Variants in KIF2A observed in about 807,000 individuals in gnomAD.
The protein encoded by KIF2A is kinesin-like protein KIF2A.
Under a neutral mutation model 100.2 loss-of-function variants are expected in KIF2A, and 22 were observed. The ratio of observed to expected loss-of-function variants is 0.22; its 90% CI spans 0.16 to 0.31. The LOEUF is 0.31. Ranked by LOEUF, KIF2A falls within the 10% of genes least tolerant of loss-of-function variation. The probability of loss-of-function intolerance (pLI) is 1.00; values close to 1 mark genes in which losing one functional copy is unlikely to be tolerated. For missense variants in KIF2A, 495 were observed against 898.7 expected, an observed-to-expected ratio of 0.55 and a Z score of 5.74; for synonymous variants, 268 against 285.9, an observed-to-expected ratio of 0.94 and a Z score of 0.63.
At chr5:62,360,136 G>A (rs1200612957) in intron 9 of KIF2A, among the ~76,000 whole-genome samples, 7 of 151,720 alleles carry the variant, frequency 4.6e-5, no homozygotes, top group Admixed American at 6.6e-5. Flanking sequence ...GATTACAGGC[G>A]TGTGCCACCA....
intron 4 of KIF2A, among the ~76,000 whole-genome samples, chr5:62,350,421 G>T (rs1335703196): frequency 6.6e-6 from 1 of 151,936 alleles, no homozygotes; most frequent in African/African-American, 2.4e-5. Flanking sequence ...GGGACCACAG[G>T]CATGAGCCAC....
chr5:62,326,992 C>G (rs533749477), intron 1 of KIF2A, among the ~76,000 whole-genome samples: 1 of 152,322 alleles, frequency 6.6e-6, no homozygotes, highest in South Asian at 2.1e-4. Context: ...CTCTTGACTA[C>G]TCTCTTTGAG....
intron 16 of KIF2A, among the ~76,000 whole-genome samples, chr5:62,369,731 TA>T (rs374487851): frequency 2.6e-4 from 39 of 152,286 alleles, no homozygotes; most frequent in African/African-American, 9.1e-4. Flanking sequence ...AAATCTGCCT[TA>T]TTTTTTTTAG....
intron 16 of KIF2A, among the ~76,000 whole-genome samples, chr5:62,370,609 T>C (rs984843359): frequency 2.0e-5 from 3 of 152,030 alleles, no homozygotes; most frequent in African/African-American, 7.3e-5. Context: ...CAATTAGAGA[T>C]ATTTTAGAGG....
At chr5:62,314,494 A>T (rs556126213) in intron 1 of KIF2A, among the ~76,000 whole-genome samples, 4 of 152,238 alleles carry the variant, frequency 2.6e-5, no homozygotes, top group African/African-American at 4.8e-5. Context: ...AAGGAAGCAG[A>T]GCATGGGAAA....
chr5:62,362,258 T>C (rs1297949391), intron 11 of KIF2A, 192 bp from the exon 12 acceptor site: 1 of 229,146 alleles, frequency 4.4e-6, no homozygotes, highest in Non-Finnish European at 8.6e-6. Flanking sequence ...TAGCACCCTT[T>C]TATGGCATAT....
At chr5:62,313,626 TAC>T (rs1745665606) in intron 1 of KIF2A, among the ~76,000 whole-genome samples, 1 of 152,102 alleles carries the variant, frequency 6.6e-6, no homozygotes, top group South Asian at 2.1e-4. Flanking sequence ...ATGCTGGGAT[TAC>T]AGGCTTGAGC....
rs1165039468 is a variant in KIF2A at position 62,389,577 on chromosome 5, G to C, written c.*4008G>C. Among the ~76,000 whole-genome samples, 3 of 150,954 alleles carry C rather than the reference G, an allele frequency of 2.0e-5. No individual in the cohort carries two copies. Among genetic ancestry groups the C allele is most frequent in the Non-Finnish European group, 4.4e-5 (3 of 67,898 alleles). On this transcript the variant is annotated 3_prime_UTR_variant, in exon 21 of 21. Coordinates refer to ENST00000407818, the MANE Select transcript of KIF2A (RefSeq NM_001098511.3). ...TGCCATGTTGGTGCCTCTTTCATTA[G>C]AGCCTTTATGTCGTAATGAATTTGA...
chr5:62,328,852 C>G lies in KIF2A; in HGVS notation c.65-18278C>G, dbSNP rs114717101. On this transcript the variant is annotated intron_variant, in intron 1 of 20. Transcript: ENST00000407818. The stretch of plus-strand genomic sequence containing the variant: ...TATGACATTTTTCTTATTACTGTTA[C>G]GCAAATTCTGAATGAAACTTTTCTA... Among the ~76,000 whole-genome samples, 611 of 152,190 alleles carry G rather than the reference C, an allele frequency of 4.0e-3. 3 individuals carry two copies. Among genetic ancestry groups the G allele is most frequent in the Middle Eastern group, 0.017 (5 of 294 alleles).
intron 16 of KIF2A, among the ~76,000 whole-genome samples, chr5:62,371,121 G>C (rs1741306020): frequency 6.6e-6 from 1 of 152,012 alleles, no homozygotes. Context: ...TAAAAAATTA[G>C]CCGGGGGTGG....
At chr5:62,357,194 C>T (rs1208829913) in intron 7 of KIF2A, among the ~76,000 whole-genome samples, 1 of 151,724 alleles carries the variant, frequency 6.6e-6, no homozygotes, top group South Asian at 2.1e-4. Context: ...AGTGATTCTC[C>T]CACATCAGCC....
At position 62,390,299 on chromosome 5, in the gene KIF2A, C is replaced by G. The variant is rs764662474; in HGVS notation, c.*4730C>G. ...ATAAGACTTACTTGCTTAATTCAAGCAAAACAAATTTTGGTCTAAATTACC... is the reference window on the plus strand; with the variant it reads ...ATAAGACTTACTTGCTTAATTCAAGGAAAACAAATTTTGGTCTAAATTACC... On this transcript the variant is annotated 3_prime_UTR_variant, in exon 21 of 21. Transcript: ENST00000407818. Among the ~76,000 whole-genome samples, 3 of 152,112 alleles carry G rather than the reference C, an allele frequency of 2.0e-5. No homozygotes were observed. Among genetic ancestry groups the G allele is most frequent in the Non-Finnish European group, 2.9e-5 (2 of 68,016 alleles).
At chr5:62,308,216 A>G in intron 1 of KIF2A, 1 of 551,138 alleles carries the variant, frequency 1.8e-6, no homozygotes, top group South Asian at 2.5e-5. Context: ...ACTAATGGGA[A>G]AGAGATACCT....
At chr5:62,356,254 T>C (rs907295532) in intron 7 of KIF2A, among the ~76,000 whole-genome samples, 2 of 152,262 alleles carry the variant, frequency 1.3e-5, no homozygotes, top group African/African-American at 4.8e-5. Context: ...CCACATATTT[T>C]AGGCCTTGCT....
chr5:62,349,713 G>T (rs1026640969), intron 3 of KIF2A, among the ~76,000 whole-genome samples: 1 of 152,132 alleles, frequency 6.6e-6, no homozygotes, highest in Non-Finnish European at 1.5e-5. Flanking sequence ...CAGAAATGAT[G>T]ATTAAAACAC....
At chr5:62,355,799 C>CTTTTTT (rs869252403) in intron 7 of KIF2A, among the ~76,000 whole-genome samples, 2 of 137,140 alleles carry the variant, frequency 1.5e-5, no homozygotes. Context: ...CAGGGAGTGC[C>CTTTTTT]TTTTTTTTTT....
chr5:62,367,627 A>T (rs1157172317), intron 16 of KIF2A, among the ~76,000 whole-genome samples: 1 of 152,194 alleles, frequency 6.6e-6, no homozygotes, highest in Non-Finnish European at 1.5e-5. Context: ...TATAAACATT[A>T]TAAACATTAT....
chr5:62,340,055 C>A (rs1747213279), intron 1 of KIF2A, among the ~76,000 whole-genome samples: 2 of 151,556 alleles, frequency 1.3e-5, no homozygotes, highest in Admixed American at 1.3e-4. Context: ...TCTGCATCAG[C>A]CTCCTGAGTA....
At chr5:62,316,593 A>T (rs1745827572) in intron 1 of KIF2A, among the ~76,000 whole-genome samples, 2 of 152,248 alleles carry the variant, frequency 1.3e-5, no homozygotes, top group Admixed American at 6.5e-5. Context: ...ACATGTCATG[A>T]TACATATGCC....
Sources: allele counts gnomAD v4.1 joint callset (sites outside exome capture counted in the v4.1 genomes callset), GRCh38; gene constraint gnomAD v4.1.1; transcripts MANE v1.5; gene names NCBI Gene and HGNC (gene_info 2026-07-23, HGNC 2026-07-21).